PLEKHM3: variants seen among roughly 807,000 people sequenced by gnomAD.
The protein encoded by PLEKHM3 is pleckstrin homology domain containing M3, also known as pleckstrin homology domain-containing family M member 3.
Under a neutral mutation model 81.8 loss-of-function variants are expected in PLEKHM3, and 45 were observed. The ratio of observed to expected loss-of-function variants is 0.55; its 90% confidence interval spans 0.43 to 0.71. The LOEUF (loss-of-function observed/expected upper bound fraction) is 0.71. PLEKHM3 is among the 30% of genes least tolerant of loss of function. The probability of loss-of-function intolerance (pLI) is 0.00; values close to 1 mark genes in which losing one functional copy is unlikely to be tolerated. For synonymous variants in PLEKHM3, 352 were observed against 356.4 expected, an observed-to-expected ratio of 0.99 and a Z score of 0.14; for missense variants, 788 against 924.3, an observed-to-expected ratio of 0.85 and a Z score of 1.91.
intron 3 of PLEKHM3, among the ~76,000 whole-genome samples, chr2:207,961,129 T>C (rs969159816): frequency 2.6e-5 from 4 of 152,224 alleles, no homozygotes; most frequent in Admixed American, 6.5e-5. Flanking sequence ...CAAGCTCTTG[T>C]GCTCCTAATT....
At chr2:207,931,523 C>A (rs748968898) in intron 4 of PLEKHM3, among the ~76,000 whole-genome samples, 1 of 152,300 alleles carries the variant, frequency 6.6e-6, no homozygotes, top group East Asian at 1.9e-4. Context: ...ATTGTCTATG[C>A]AATTTCCTGT....
intron 1 of PLEKHM3, among the ~76,000 whole-genome samples, chr2:208,023,569 C>T (rs995766427): frequency 4.6e-5 from 7 of 152,166 alleles, no homozygotes; most frequent in African/African-American, 1.7e-4. Flanking sequence ...GCATTAGATT[C>T]TCATAGGAGC....
intron 3 of PLEKHM3, among the ~76,000 whole-genome samples, chr2:207,959,259 A>T (rs1162733538): frequency 2.6e-5 from 4 of 152,036 alleles, no homozygotes; most frequent in Non-Finnish European, 5.9e-5. Context: ...TGCACTTAAC[A>T]TTTTCTACAG....
At chr2:207,929,989 C>A in intron 5 of PLEKHM3, 1 of 675,102 alleles carries the variant, frequency 1.5e-6, no homozygotes, top group Non-Finnish European at 2.7e-6. Context: ...TTATGAACGC[C>A]ATCAACAATT....
chr2:207,914,687 A>G (rs940644934), intron 5 of PLEKHM3, among the ~76,000 whole-genome samples: 2,810 of 151,334 alleles, frequency 0.019, 86 homozygotes, highest in African/African-American at 0.064. Flanking sequence ...GTGTCAAAAA[A>G]AAAAAAAAAA....
At chr2:207,927,569 C>A (rs993958137) in intron 5 of PLEKHM3, among the ~76,000 whole-genome samples, 2 of 148,780 alleles carry the variant, frequency 1.3e-5, no homozygotes, top group African/African-American at 5.0e-5. Flanking sequence ...GTGGCTCACA[C>A]CTATAATCCC....
intron 2 of PLEKHM3, among the ~76,000 whole-genome samples, chr2:207,985,459 TC>T (rs1691684911): frequency 6.6e-6 from 1 of 152,046 alleles, no homozygotes; most frequent in Admixed American, 6.6e-5. Flanking sequence ...TAAAAATTAT[TC>T]CCCAAATCAG....
intron 7 of PLEKHM3, among the ~76,000 whole-genome samples, chr2:207,834,130 C>CTT (rs35913574): frequency 0.018 from 2,468 of 140,522 alleles, 36 homozygotes; most frequent in Middle Eastern, 0.03. Flanking sequence ...TTTTCTCTTT[C>CTT]TTTTTTTTTT....
chr2:207,903,330 G>A (rs1016595190), intron 6 of PLEKHM3, among the ~76,000 whole-genome samples: 1 of 152,136 alleles, frequency 6.6e-6, no homozygotes, highest in Non-Finnish European at 1.5e-5. Flanking sequence ...TCTCACAAGA[G>A]GGGTGTGTGT....
intron 3 of PLEKHM3, among the ~76,000 whole-genome samples, chr2:207,958,772 T>C (rs1466995370): frequency 6.6e-6 from 1 of 152,088 alleles, no homozygotes; most frequent in Non-Finnish European, 1.5e-5. Flanking sequence ...TAGCCAGGCA[T>C]GGTGGCACAC....
intron 6 of PLEKHM3, among the ~76,000 whole-genome samples, chr2:207,886,626 T>C (rs1488069051): frequency 1.3e-5 from 2 of 152,176 alleles, no homozygotes; most frequent in African/African-American, 2.4e-5. Flanking sequence ...CAACTCTCTG[T>C]TGAAAAGGGA....
intron 3 of PLEKHM3, among the ~76,000 whole-genome samples, chr2:207,956,099 T>C (rs1424711392): frequency 6.6e-6 from 1 of 152,170 alleles, no homozygotes; most frequent in East Asian, 1.9e-4. Flanking sequence ...GATATTCTAG[T>C]TGTCTGAGGC....
At chr2:207,882,612 C>CA (rs375414006) in intron 6 of PLEKHM3, among the ~76,000 whole-genome samples, 50,107 of 84,950 alleles carry the variant, frequency 0.59, 13,395 homozygotes, top group Middle Eastern at 0.66. Flanking sequence ...AACTCCATCT[C>CA]AAAAAAAAAA....
intron 5 of PLEKHM3, among the ~76,000 whole-genome samples, chr2:207,912,766 A>T (rs1688849606): frequency 1.3e-5 from 2 of 152,166 alleles, no homozygotes; most frequent in Admixed American, 1.3e-4. Context: ...AGAAATAGGG[A>T]CTCACTCTTC....
intron 6 of PLEKHM3, among the ~76,000 whole-genome samples, chr2:207,886,692 T>C (rs1377978282): frequency 2.0e-5 from 3 of 152,222 alleles, no homozygotes. Context: ...AACTTTCTGT[T>C]TGATTTAACC....
intron 4 of PLEKHM3, among the ~76,000 whole-genome samples, chr2:207,940,849 G>A (rs1398858596): frequency 6.6e-6 from 1 of 152,216 alleles, no homozygotes; most frequent in African/African-American, 2.4e-5. Flanking sequence ...TGGAGCACAG[G>A]TGGAAAGATG....
At chr2:207,873,482 A>G (rs2105835244) in intron 6 of PLEKHM3, among the ~76,000 whole-genome samples, 1 of 152,368 alleles carries the variant, frequency 6.6e-6, no homozygotes, top group Non-Finnish European at 1.5e-5. Context: ...GGAAGACATC[A>G]AAAGAAACTT....
intron 3 of PLEKHM3, among the ~76,000 whole-genome samples, chr2:207,962,338 G>A (rs538563619): frequency 2.0e-4 from 31 of 152,308 alleles, no homozygotes; most frequent in African/African-American, 7.5e-4. Flanking sequence ...CCTCATTGAT[G>A]ATCATAACAA....
intron 4 of PLEKHM3, among the ~76,000 whole-genome samples, chr2:207,932,657 T>C (rs1307995491): frequency 6.6e-6 from 1 of 152,202 alleles, no homozygotes; most frequent in Admixed American, 6.5e-5. Context: ...GCATGTACCC[T>C]GTCATCTGCT....
Sources: gnomAD v4.1 joint callset for allele counts (sites outside exome capture counted in the v4.1 genomes callset) on GRCh38, gnomAD v4.1.1 for gene constraint, MANE v1.5 for transcripts, NCBI Gene and HGNC (gene_info 2026-07-23, HGNC 2026-07-21) for gene names.